Variants in VPS50 observed in about 807,000 individuals in gnomAD.
VPS50 encodes the protein VPS50 subunit of EARP/GARPII complex.
VPS50 carries 70 observed loss-of-function variants against 139.7 expected under a neutral mutation model. The observed-to-expected ratio is 0.50, with a 90% CI of 0.41 to 0.61. The LOEUF is 0.61. VPS50 is among the 20% of genes least tolerant of loss of function. The probability of loss-of-function intolerance (pLI) is 0.00; values close to 1 mark genes in which losing one functional copy is unlikely to be tolerated. For missense variants in VPS50, 921 were observed against 1,133.7 expected (o/e 0.81, Z 2.69); for synonymous variants, 365 against 376.7 (o/e 0.97, Z 0.36).
intron 1 of VPS50, among the ~76,000 whole-genome samples, chr7:93,234,969 C>T (rs1396995143): frequency 1.3e-5 from 2 of 151,340 alleles, no homozygotes; most frequent in Non-Finnish European, 2.9e-5. Context: ...AGTGTTAAGG[C>T]AGACACGGTG....
chr7:93,263,328 T>C (rs1332122364), intron 9 of VPS50, among the ~76,000 whole-genome samples: 2 of 152,244 alleles, frequency 1.3e-5, no homozygotes, highest in African/African-American at 4.8e-5. Flanking sequence ...TTAAAAACAT[T>C]TATATCTATT....
At chr7:93,261,693 A>AG (rs1795687292) in intron 9 of VPS50, among the ~76,000 whole-genome samples, 1 of 151,548 alleles carries the variant, frequency 6.6e-6, no homozygotes, top group Non-Finnish European at 1.5e-5. Context: ...AAAAAAAAAA[A>AG]AAAAAAGAAA....
intron 22 of VPS50, among the ~76,000 whole-genome samples, chr7:93,339,330 T>TA (rs772980449): frequency 0.26 from 35,450 of 135,930 alleles, 4,455 homozygotes; most frequent in Admixed American, 0.38. Context: ...AGATAGGAAA[T>TA]AAAAAAAAAA....
At chr7:93,321,935 T>G (rs1045964489) in intron 20 of VPS50, among the ~76,000 whole-genome samples, 1 of 152,244 alleles carries the variant, frequency 6.6e-6, no homozygotes. Context: ...AGTAACCGTA[T>G]GTTTTGTAGC....
rs1227259371 is a variant in VPS50 at position 93,294,626 on chromosome 7, G to A, written c.1157G>A (p.Arg386Gln). The A allele has an allele frequency of 5.0e-6, 8 of 1,588,506 alleles. No homozygotes were observed. The highest frequency in any genetic ancestry group is 6.8e-6 in the Non-Finnish European group (8 of 1,170,124). ...IKKKLEHGLT[R>Q]IWQDVQLKVK... ...AAGAAATTAGAACATGGACTTACACGAATATGGCAGGTTTGGTTTTTTTAA... is the reference window on the plus strand; with the variant it reads ...AAGAAATTAGAACATGGACTTACACAAATATGGCAGGTTTGGTTTTTTTAA... The change falls in exon 14 of 28, where the codon CGA (arginine) becomes CAA (glutamine). Residue 386 changes from arginine to glutamine, a missense_variant. By Grantham distance (43) the Arg-to-Gln change is conservative. Transcript: ENST00000305866.
chr7:93,343,184 A>T (rs915527180), intron 23 of VPS50, among the ~76,000 whole-genome samples: 9 of 152,220 alleles, frequency 5.9e-5, no homozygotes, highest in African/African-American at 2.2e-4. Flanking sequence ...TACGTGAAGA[A>T]TGCAGAAGCC....
chr7:93,324,491 GC>G (rs1379838336), intron 21 of VPS50, among the ~76,000 whole-genome samples: 1 of 152,150 alleles, frequency 6.6e-6, no homozygotes, highest in African/African-American at 2.4e-5. Context: ...AGAGTTTTTA[GC>G]ATGAAGAGTT....
intron 9 of VPS50, 140 bp from the exon 10 acceptor site, chr7:93,271,080 A>G (rs1795991022): frequency 1.5e-6 from 2 of 1,296,962 alleles, no homozygotes; most frequent in Non-Finnish European, 1.0e-6. Flanking sequence ...CATTGTCTAT[A>G]TGTAGAATTC....
chr7:93,258,305 A>T, intron 7 of VPS50, 29 bp downstream of exon 7: 1 of 1,595,166 alleles, frequency 6.3e-7, no homozygotes, highest in Non-Finnish European at 8.6e-7. Flanking sequence ...AAAAAATTAA[A>T]ACTGAATTTT....
chr7:93,328,222 T>C (rs1458207479), intron 21 of VPS50, among the ~76,000 whole-genome samples: 1 of 152,212 alleles, frequency 6.6e-6, no homozygotes, highest in African/African-American at 2.4e-5. Context: ...TTGGTCTTTC[T>C]GGTTCACATT....
chr7:93,305,864 G>A lies in VPS50; in HGVS notation c.1489G>A (p.Val497Ile), dbSNP rs762444634. The change falls in exon 18 of 28, where the codon GTT becomes ATT. Residue 497 changes from valine (V) to isoleucine (I), a missense_variant. Val to Ile is a conservative substitution (Grantham distance 29). Around this residue, in one of 3 missense-constraint regions of VPS50, gnomAD observed 744 missense variants for 930.6 expected, o/e 0.80. Coordinates refer to ENST00000305866, the MANE Select transcript of VPS50 (RefSeq NM_017667.4). Reference protein sequence around the residue: ...KFMEQSRSPSVSPSKQPVSTS... With the variant: ...KFMEQSRSPSISPSKQPVSTS... ...CATGGAACAGTCTCGCTCCCCATCA[G>A]TTTCACCTAGTAAACAGCCAGTCTC... 6.2e-7 allele frequency: 1 copy of A among 1,612,630 alleles called. No homozygotes were observed. Among genetic ancestry groups the A allele is most frequent in the Non-Finnish European group, 8.5e-7 (1 of 1,178,896 alleles).
intron 16 of VPS50, among the ~76,000 whole-genome samples, chr7:93,301,530 G>A (rs1796975183): frequency 6.6e-6 from 1 of 151,838 alleles, no homozygotes; most frequent in Non-Finnish European, 1.5e-5. Flanking sequence ...TCTTCAATCT[G>A]GTACCTTTTA....
rs1796644388 is a variant in VPS50 at position 93,291,412 on chromosome 7, C to G, written c.943-291C>G. On this transcript the variant is annotated intron_variant, in intron 12 of 27. Transcript: ENST00000305866. ...AATGCATTTGGGGATGTTTACACTG[C>G]TATTTATGGGACCAGTTGCTAATTC... 4.6e-5 allele frequency among the ~76,000 whole-genome samples: 7 copies of G among 152,094 alleles called. No individual in the cohort carries two copies. In the South Asian group the frequency reaches 1.5e-3, roughly 32 times the overall value.
At chr7:93,319,776 CTCTT>C (rs1403435367) in intron 20 of VPS50, among the ~76,000 whole-genome samples, 3 of 152,170 alleles carry the variant, frequency 2.0e-5, no homozygotes, top group African/African-American at 7.2e-5. Flanking sequence ...TCTCTGTTCT[CTCTT>C]TTTAAAACAA....
At chr7:93,241,927 A>C (rs1264957574) in intron 2 of VPS50, among the ~76,000 whole-genome samples, 1 of 152,068 alleles carries the variant, frequency 6.6e-6, no homozygotes, top group African/African-American at 2.4e-5. Context: ...GATGTAATTG[A>C]AGAAGATCTT....
At chr7:93,246,045 C>T (rs1795141709) in intron 2 of VPS50, 2 of 1,062,568 alleles carry the variant, frequency 1.9e-6, no homozygotes, top group Admixed American at 2.2e-5. Context: ...TTTGTTCTTA[C>T]TTCTAGCTCT....
chr7:93,249,748 A>T (rs1795263827), intron 2 of VPS50, among the ~76,000 whole-genome samples: 1 of 152,128 alleles, frequency 6.6e-6, no homozygotes, highest in Non-Finnish European at 1.5e-5. Flanking sequence ...TATGAAGCTG[A>T]TATTTCAAAT....
intron 18 of VPS50, among the ~76,000 whole-genome samples, chr7:93,306,924 G>C (rs892290329): frequency 3.3e-5 from 5 of 151,712 alleles, no homozygotes; most frequent in Non-Finnish European, 7.4e-5. Flanking sequence ...TTCATAGTAA[G>C]CCATATTTAA....
rs17165237 is a variant in VPS50, at chr7:93,278,967, T to C, written c.942+2662T>C. On this transcript the variant is annotated intron_variant, in intron 12 of 27. Coordinates refer to ENST00000305866, the MANE Select transcript of VPS50 (RefSeq NM_017667.4). ...TATTCAAGCTGTGCTAAAACATTAGTTGAAGTAGCTTTGGTTCGAATTGGT... is the reference window on the plus strand; with the variant it reads ...TATTCAAGCTGTGCTAAAACATTAGCTGAAGTAGCTTTGGTTCGAATTGGT... 6.4e-3 allele frequency among the ~76,000 whole-genome samples: 982 copies of C among 152,260 alleles called. 6 individuals are homozygous for C. The highest frequency in any genetic ancestry group is 0.022 in the African/African-American group (932 of 41,556).
Sources: gnomAD v4.1 joint callset for allele counts (sites outside exome capture counted in the v4.1 genomes callset) on GRCh38, gnomAD v4.1.1 for gene constraint, gnomAD v4.1.1 regional missense constraint, MANE v1.5 for transcripts, NCBI Gene and HGNC (gene_info 2026-07-23, HGNC 2026-07-21) for gene names.